The following BCAS3 variants were observed in gnomAD, a reference collection of about 807,000 sequenced individuals.
The protein encoded by BCAS3 is BCAS4/BCAS3 fusion.
BCAS3 carries 53 observed loss-of-function variants against 116.1 expected under a neutral mutation model. That is an observed-to-expected ratio of 0.46 (90% CI 0.37 to 0.57). BCAS3 has a LOEUF of 0.57. Ranked by LOEUF, BCAS3 falls within the 20% of genes least tolerant of loss-of-function variation. The pLI is 0.00. For synonymous variants in BCAS3, 391 were observed against 408.2 expected (o/e 0.96, Z 0.51); for missense variants, 917 against 1,165.4 (o/e 0.79, Z 3.10).
Position 61,205,925 on chromosome 17 carries a change from T to A in BCAS3, c.2425+121361T>A, listed in dbSNP as rs1308060933. ...CAGCCCTTTTGCTTAGTTAGGAAGA[T>A]AATTTATGTCCCCAAAGCTCTTTCA... On this transcript the variant is annotated intron_variant, in intron 22 of 23. Coordinates refer to ENST00000407086, the MANE Select transcript of BCAS3 (RefSeq NM_017679.5). The surrounding 1 kb of genome is among the most constrained non-coding windows in gnomAD (Gnocchi z 5.2). Among the ~76,000 whole-genome samples, 1 of 152,176 alleles carries A rather than the reference T, an allele frequency of 6.6e-6. No individual in the cohort carries two copies. The highest frequency in any genetic ancestry group is 1.5e-5 in the Non-Finnish European group (1 of 68,024).
Position 61,010,068 on chromosome 17 carries a change from CTT to C in BCAS3, c.1487-5664_1487-5663del, listed in dbSNP as rs1189821266. 2.8e-3 allele frequency among the ~76,000 whole-genome samples: 310 copies of C among 111,024 alleles called. 1 individual carries two copies. Among genetic ancestry groups the C allele is most frequent in the African/African-American group, 9.9e-3 (287 of 29,052 alleles). The allele number at this position is 111,024 out of a possible 152,430, so 72.8% of individuals were successfully genotyped here. On this transcript the variant is annotated intron_variant, in intron 15 of 23. Transcript: ENST00000407086. ...TTTGTCCGGAGTTTTCAGACTCTGT[CTT>C]TTTTTTTTTTTTTTTTTTCCTGTGG...
intron 14 of BCAS3, among the ~76,000 whole-genome samples, chr17:60,951,085 G>T (rs187484650): frequency 0.01 from 1,546 of 152,276 alleles, 13 homozygotes; most frequent in Non-Finnish European, 0.016. Context: ...TGTCATTGCT[G>T]TGGTATGGCA....
rs545425973 is a variant in BCAS3, at chr17:61,387,357, G to A, written c.2594-4620G>A. On this transcript the variant is annotated intron_variant, in intron 23 of 23. Coordinates refer to ENST00000407086, the MANE Select transcript of BCAS3 (RefSeq NM_017679.5). This position sits in a 1 kb window ranked among gnomAD's most constrained non-coding sequence, Gnocchi z 6.2. ...CCCCACCCCATCTCCCTGGGCACAC[G>A]CTCCCAAGTGACCAGGGTTGCTTCT... 3.3e-5 allele frequency among the ~76,000 whole-genome samples: 5 copies of A among 152,270 alleles called. 1 individual carries two copies. The South Asian group carries it at 1.0e-3, about 32-fold the overall frequency.
chr17:61,319,114 A>T (rs766957088), intron 22 of BCAS3, among the ~76,000 whole-genome samples: 8 of 152,148 alleles, frequency 5.3e-5, no homozygotes, highest in Non-Finnish European at 1.5e-5. Flanking sequence ...AGATTGGGAG[A>T]ATGCACAGTT....
At chr17:61,212,971 C>G (rs977847664) in intron 22 of BCAS3, among the ~76,000 whole-genome samples, 2 of 151,954 alleles carry the variant, frequency 1.3e-5, no homozygotes, top group Admixed American at 6.6e-5. Context: ...CAGTTAATAC[C>G]TTTTTCATTA....
intron 14 of BCAS3, among the ~76,000 whole-genome samples, chr17:60,949,602 A>T (rs1450673714): frequency 6.6e-6 from 1 of 152,164 alleles, no homozygotes; most frequent in Non-Finnish European, 1.5e-5. Flanking sequence ...GGTACATAAT[A>T]GTTGTACCTA....
At chr17:60,710,169 C>A (rs535465665) in intron 5 of BCAS3, among the ~76,000 whole-genome samples, 2 of 152,232 alleles carry the variant, frequency 1.3e-5, no homozygotes, top group East Asian at 3.9e-4. Context: ...GGCTCTGGGC[C>A]AGTAGAAGTT....
chr17:61,157,007 A>G (rs1228744426), intron 22 of BCAS3, among the ~76,000 whole-genome samples: 1 of 152,226 alleles, frequency 6.6e-6, no homozygotes, highest in Non-Finnish European at 1.5e-5. Context: ...TATTTGTTTT[A>G]AAAAGCAAAT....
intron 22 of BCAS3, among the ~76,000 whole-genome samples, chr17:61,103,972 G>C (rs573886545): frequency 5.4e-4 from 82 of 152,222 alleles, no homozygotes; most frequent in African/African-American, 1.7e-3. Context: ...CTCCACTCTT[G>C]CTTCTCCAAG....
At chr17:60,733,948 A>T (rs932973578) in intron 5 of BCAS3, among the ~76,000 whole-genome samples, 5 of 152,126 alleles carry the variant, frequency 3.3e-5, no homozygotes, top group Non-Finnish European at 7.4e-5. Context: ...ATGTTTTCTC[A>T]GTTTATGGCT....
chr17:60,866,670 C>T (rs552826817), intron 7 of BCAS3, among the ~76,000 whole-genome samples: 2 of 152,192 alleles, frequency 1.3e-5, no homozygotes, highest in South Asian at 4.1e-4. Flanking sequence ...CTTTTTAGAT[C>T]GTGAGCTATT....
intron 22 of BCAS3, among the ~76,000 whole-genome samples, chr17:61,290,770 A>G (rs971058117): frequency 1.3e-5 from 2 of 152,094 alleles, no homozygotes; most frequent in Admixed American, 1.3e-4. Flanking sequence ...AATGTGGTCA[A>G]GGGACTTTTT....
Position 61,326,160 on chromosome 17 carries a change from A to C in BCAS3, c.2426-42167A>C, listed in dbSNP as rs2055712940. Among the ~76,000 whole-genome samples, 1 of 152,232 alleles carries C rather than the reference A, an allele frequency of 6.6e-6. No individual in the cohort carries two copies. Among genetic ancestry groups the C allele is most frequent in the African/African-American group, 2.4e-5 (1 of 41,466 alleles). On this transcript the variant is annotated intron_variant, in intron 22 of 23. Transcript: ENST00000407086. The surrounding 1 kb of genome is among the most constrained non-coding windows in gnomAD (Gnocchi z 5.3). ...ATTAACATAATTACAAATTGTGTGA[A>C]GTATAATGAAGGAAAAATTCCATGT...
intron 7 of BCAS3, among the ~76,000 whole-genome samples, chr17:60,856,374 G>T (rs565983998): frequency 6.6e-6 from 1 of 152,084 alleles, no homozygotes; most frequent in Non-Finnish European, 1.5e-5. Flanking sequence ...AATTATTTTG[G>T]TTTGTCCAGT....
chr17:61,350,306 T>G (rs2057751426), intron 22 of BCAS3, among the ~76,000 whole-genome samples: 2 of 151,776 alleles, frequency 1.3e-5, no homozygotes, highest in African/African-American at 4.8e-5. Context: ...TCCCAGCTAC[T>G]CAGGAGGCTA....
At chr17:61,328,890 C>CT (rs922578027) in intron 22 of BCAS3, among the ~76,000 whole-genome samples, 3,340 of 122,548 alleles carry the variant, frequency 0.027, 149 homozygotes, top group African/African-American at 0.059. Context: ...GACGCAGGCT[C>CT]TTTTTTTTTT....
At chr17:60,891,260 G>A (rs986966959) in intron 10 of BCAS3, among the ~76,000 whole-genome samples, 7 of 152,260 alleles carry the variant, frequency 4.6e-5, no homozygotes, top group African/African-American at 1.4e-4. Context: ...TCTCACATAT[G>A]GGGAACTGCC....
intron 22 of BCAS3, among the ~76,000 whole-genome samples, chr17:61,164,347 G>A (rs1206310460): frequency 1.3e-5 from 2 of 152,100 alleles, no homozygotes; most frequent in African/African-American, 4.8e-5. Flanking sequence ...GTGTTAAGAG[G>A]TGGGACCTTT....
Position 61,368,188 on chromosome 17 carries a change from T to C in BCAS3, c.2426-139T>C. The stretch of plus-strand genomic sequence containing the variant: ...GAGCTATTTCTCCTGCGCTACCCAG[T>C]CTGTTGGCGGCGTGCTTCCATCCTA... On this transcript the variant is annotated intron_variant, in intron 22 of 23. Transcript: ENST00000407086. This position sits in a 1 kb window ranked among gnomAD's most constrained non-coding sequence, Gnocchi z 6.0. 2 of 844,518 alleles carry C rather than the reference T, an allele frequency of 2.4e-6. No homozygotes were observed. Among genetic ancestry groups the C allele is most frequent in the Non-Finnish European group, 3.6e-6 (2 of 553,494 alleles). The allele number at this position is 844,518 out of a possible 1,614,324, so 52.3% of individuals were successfully genotyped here. A position where few individuals can be genotyped will look rare whatever the true frequency, so the allele number is the denominator to read the frequency against.
Sources: allele counts gnomAD v4.1 joint callset (sites outside exome capture counted in the v4.1 genomes callset), GRCh38; gene constraint gnomAD v4.1.1; non-coding constraint Gnocchi (gnomAD v3.1); transcripts MANE v1.5; gene names NCBI Gene and HGNC (gene_info 2026-07-23, HGNC 2026-07-21).